Variants in SOX5 observed in about 807,000 individuals in gnomAD.
The protein encoded by SOX5 is transcription factor SOX-5.
A neutral mutation model predicts 92.0 loss-of-function variants in SOX5; 9 were observed. That is an observed-to-expected ratio of 0.10 (90% confidence interval 0.06 to 0.17). The LOEUF is 0.17. Ranked by LOEUF, SOX5 falls within the 10% of genes least tolerant of loss-of-function variation. The pLI is 1.00. For missense variants in SOX5, 642 were observed against 944.5 expected (o/e 0.68, Z 4.20); for synonymous variants, 344 against 336.3 (o/e 1.02, Z -0.25).
intron 4 of SOX5, among the ~76,000 whole-genome samples, chr12:23,960,803 A>G (rs1946847050): frequency 2.0e-5 from 3 of 152,044 alleles, no homozygotes; most frequent in Non-Finnish European, 4.4e-5. Flanking sequence ...ATGTGTGGGT[A>G]AGAAAACTTC....
At chr12:24,256,639 A>C (rs945752362) in intron 3 of SOX5, among the ~76,000 whole-genome samples, 15 of 95,040 alleles carry the variant, frequency 1.6e-4, no homozygotes, top group African/African-American at 6.2e-4. Flanking sequence ...ACAGAGAGAG[A>C]GGGAGTGAGA....
At chr12:24,194,846 T>C (rs1956862328) in intron 4 of SOX5, among the ~76,000 whole-genome samples, 1 of 152,202 alleles carries the variant, frequency 6.6e-6, no homozygotes. Flanking sequence ...TTTATATGAA[T>C]GATCTCCAAT....
At chr12:24,329,950 G>C (rs1349146765) in intron 2 of SOX5, among the ~76,000 whole-genome samples, 1 of 152,208 alleles carries the variant, frequency 6.6e-6, no homozygotes, top group African/African-American at 2.4e-5. Context: ...TTGAACCCGG[G>C]AGGCGGAGGT....
chr12:24,041,185 T>C (rs1489295551), intron 4 of SOX5, among the ~76,000 whole-genome samples: 1 of 152,154 alleles, frequency 6.6e-6, no homozygotes, highest in African/African-American at 2.4e-5. Flanking sequence ...ATTGTCCCAG[T>C]GGGATGGGTA....
At chr12:23,819,365 TA>T (rs2096061882) in intron 3 of SOX5, among the ~76,000 whole-genome samples, 1 of 152,216 alleles carries the variant, frequency 6.6e-6, no homozygotes, top group African/African-American at 2.4e-5. Context: ...AAACTTGTTC[TA>T]GGAAAATATG....
chr12:23,531,182 T>C lies in SOX5; in HGVS notation c.*3037A>G, dbSNP rs1281571465. On this transcript the variant is annotated 3_prime_UTR_variant, in exon 15 of 15. Transcript: ENST00000451604. Reference sequence around the variant, plus strand: ...AGGGCAAAGAAAATTTGATGTCCAGTGAATTAACCGTCAGAACAAGAGAAC... The same window carrying C: ...AGGGCAAAGAAAATTTGATGTCCAGCGAATTAACCGTCAGAACAAGAGAAC... 2.0e-5 allele frequency: 3 copies of C among 152,190 alleles called. No homozygotes were observed. The highest frequency in any genetic ancestry group is 4.4e-5 in the Non-Finnish European group (3 of 68,044). The allele number at this position is 152,190 out of a possible 1,614,324, so 9.4% of individuals were successfully genotyped here.
chr12:24,323,143 T>A (rs1162072795), intron 2 of SOX5, among the ~76,000 whole-genome samples: 1 of 151,930 alleles, frequency 6.6e-6, no homozygotes, highest in Non-Finnish European at 1.5e-5. Flanking sequence ...CCTATGGAGG[T>A]CATTAATCTG....
intron 4 of SOX5, among the ~76,000 whole-genome samples, chr12:24,113,345 G>C (rs1007697496): frequency 6.6e-6 from 1 of 150,808 alleles, no homozygotes. Context: ...ATTTTGAAAT[G>C]GTGAACAACC....
At position 23,644,188 on chromosome 12, in the gene SOX5, TGTG is replaced by T. The variant is rs375328481; in HGVS notation, c.932-3294_932-3292del. 6.9e-4 allele frequency among the ~76,000 whole-genome samples: 105 copies of T among 152,342 alleles called. No homozygotes were observed. The Middle Eastern group carries it at 0.01, about 15-fold the overall frequency. On this transcript the variant is annotated intron_variant, in intron 7 of 14. Transcript: ENST00000451604. Reference sequence around the variant, plus strand: ...CAAGCCGCTAGGTTGTGAGCTGCTCTGTGGAAAGACTCATATAGCAAAAGACAG... The same window carrying T: ...CAAGCCGCTAGGTTGTGAGCTGCTCTGAAAGACTCATATAGCAAAAGACAG...
At chr12:23,689,533 T>C (rs1274644895) in intron 6 of SOX5, among the ~76,000 whole-genome samples, 2 of 152,210 alleles carry the variant, frequency 1.3e-5, no homozygotes, top group Non-Finnish European at 2.9e-5. Context: ...AATTAATCTC[T>C]GGAGTTCTGA....
intron 4 of SOX5, among the ~76,000 whole-genome samples, chr12:24,030,197 G>A (rs1410824362): frequency 1.3e-5 from 2 of 151,700 alleles, no homozygotes; most frequent in East Asian, 3.9e-4. Context: ...TTTTTTGATA[G>A]TTCACTAATA....
intron 4 of SOX5, among the ~76,000 whole-genome samples, chr12:24,106,833 T>C (rs1005359901): frequency 8.7e-6 from 1 of 114,760 alleles, no homozygotes; most frequent in Admixed American, 8.9e-5. Context: ...ATAATAATAA[T>C]AATAATAAAT....
At chr12:23,937,966 T>C (rs1942939703) in intron 1 of SOX5, among the ~76,000 whole-genome samples, 1 of 150,756 alleles carries the variant, frequency 6.6e-6, no homozygotes, top group African/African-American at 2.4e-5. Context: ...GTATAAAATG[T>C]GCGCTTTTTT....
chr12:23,556,863 C>A (rs1945266910), intron 11 of SOX5, among the ~76,000 whole-genome samples: 1 of 152,160 alleles, frequency 6.6e-6, no homozygotes, highest in Non-Finnish European at 1.5e-5. Context: ...GAACTACATA[C>A]ACTGTGTCAG....
At chr12:23,878,157 CTTATT>C (rs969113987) in intron 2 of SOX5, among the ~76,000 whole-genome samples, 11 of 151,994 alleles carry the variant, frequency 7.2e-5, no homozygotes, top group South Asian at 4.2e-4. Context: ...AATTTTGATT[CTTATT>C]TTAAACACAA....
chr12:24,330,931 C>T (rs532586409), intron 2 of SOX5, among the ~76,000 whole-genome samples: 14 of 152,136 alleles, frequency 9.2e-5, no homozygotes, highest in Admixed American at 2.0e-4. Context: ...GGAAAGCAGA[C>T]GGAGTTACAA....
rs185998300 is a variant in SOX5 at position 23,541,288 on chromosome 12, C to T, written c.1771+1923G>A. ...AGATAGTTTTAATTAATGATTATCA[C>T]CTTTTTGGTATTCAGACACAAGAAT... On this transcript the variant is annotated intron_variant, in intron 13 of 14. Transcript: ENST00000451604. 1.8e-3 allele frequency among the ~76,000 whole-genome samples: 279 copies of T among 152,160 alleles called. 2 individuals are homozygous for T. The highest frequency in any genetic ancestry group is 5.6e-3 in the African/African-American group (231 of 41,522).
Position 24,023,624 on chromosome 12 carries a change from G to A in SOX5, c.-1-127600C>T, listed in dbSNP as rs541690613. ...TTTACTGAGTTTTGACATTGGCACA[G>A]GTAGTGGTAAATTTGGGGTTATCTA... On this transcript the variant is annotated intron_variant, in intron 4 of 4. Coordinates refer to the SOX5 transcript ENST00000446891. Among the ~76,000 whole-genome samples, 8 of 152,180 alleles carry A rather than the reference G, an allele frequency of 5.3e-5. No homozygotes were observed. The East Asian group carries it at 1.4e-3, about 26-fold the overall frequency.
At chr12:24,282,547 G>T (rs188534526) in intron 2 of SOX5, among the ~76,000 whole-genome samples, 4 of 149,812 alleles carry the variant, frequency 2.7e-5, no homozygotes, top group African/African-American at 7.3e-5. Context: ...AAAAAAAGGT[G>T]TTGCCCAATT....
Sources: gnomAD v4.1 joint callset for allele counts (sites outside exome capture counted in the v4.1 genomes callset) on GRCh38, gnomAD v4.1.1 for gene constraint, MANE v1.5 for transcripts, NCBI Gene and HGNC (gene_info 2026-07-23, HGNC 2026-07-21) for gene names.